Variants in KRT16 observed in about 807,000 individuals in gnomAD.
KRT16 encodes the protein keratin, type I cytoskeletal 16.
A neutral mutation model predicts 44.8 loss-of-function variants in KRT16; 42 were observed. That is an observed-to-expected ratio of 0.94 (90% CI 0.73 to 1.21). The LOEUF is 1.21. Among genes scored for constraint, KRT16 ranks in the 50% most tolerant of loss-of-function variants. The pLI is 0.00. For synonymous variants in KRT16, 226 were observed against 260.4 expected (o/e 0.87, Z 1.27); for missense variants, 561 against 626.9 (o/e 0.89, Z 1.12).
intron 5 of KRT16, 55 bp from the exon 6 acceptor site, chr17:41,610,606 A>G (rs879833975): frequency 1.9e-4 from 307 of 1,597,710 alleles, no homozygotes; most frequent in Non-Finnish European, 2.4e-4. Flanking sequence ...CTGTTCCTCC[A>G]GGTCTCTGGG....
chr17:41,610,648 C>G, intron 5 of KRT16, 97 bp from the exon 6 acceptor site: 1 of 1,520,118 alleles, frequency 6.6e-7, no homozygotes, highest in South Asian at 1.1e-5. Flanking sequence ...GGATTTTGAT[C>G]CCAGTTGGGG....
At position 41,611,904 on chromosome 17, in the gene KRT16, C is replaced by T. The variant is rs558992410; in HGVS notation, c.532-183G>A. The T allele has an allele frequency of 1.4e-5, 11 of 784,686 alleles. No individual in the cohort carries two copies. The African/African-American group carries it at 1.9e-4, about 13-fold the overall frequency. The allele number at this position is 784,686 out of a possible 1,614,324, so 48.6% of individuals were successfully genotyped here. A position where few individuals can be genotyped will look rare whatever the true frequency, so the allele number is the denominator to read the frequency against. ...TGCACTCCATCCCGATCACCCCCTT[C>T]CTGGGCCCAAGGCAGGGAAGCTGAA... is the stretch of plus-strand genomic sequence containing the variant. On this transcript the variant is annotated intron_variant, in intron 1 of 7. Coordinates refer to ENST00000301653, the MANE Select transcript of KRT16 (RefSeq NM_005557.4).
rs1254288318 is a variant in KRT16, at chr17:41,612,615, C to T, written c.74G>A (p.Gly25Glu). The stretch of plus-strand genomic sequence containing the variant: ...GGAGGAGATGCGGCTGGAGCCGCCC[C>T]CGATGCCGCCTCCGATGCCGCAGGA... ...KGSCGIGGGI[G>E]GGSSRISSVL... The change falls in exon 1 of 8, where the codon GGG becomes GAG. Residue 25 changes from glycine (G) to glutamate (E), a missense_variant. Coordinates refer to ENST00000301653, the MANE Select transcript of KRT16 (RefSeq NM_005557.4). 1.9e-6 allele frequency: 3 copies of T among 1,596,460 alleles called. No individual in the cohort carries two copies. Among genetic ancestry groups the T allele is most frequent in the Non-Finnish European group, 2.6e-6 (3 of 1,172,492 alleles).
At position 41,612,545 on chromosome 17, in the gene KRT16, G is replaced by A. The variant is rs879050220; in HGVS notation, c.144C>T (p.Gly48=). ...GSCRAPSTYG[G]GLSVSSRFSS... Reference sequence around the variant, plus strand: ...AGAAGCGAGAGGAGACAGACAGGCCGCCCCCGTAGGTGCTGGGGGCACGGC... The same window carrying A: ...AGAAGCGAGAGGAGACAGACAGGCCACCCCCGTAGGTGCTGGGGGCACGGC... The change falls in exon 1 of 8, where the codon GGC becomes GGT. Residue 48 remains glycine (G), a synonymous_variant. Coordinates refer to ENST00000301653, the MANE Select transcript of KRT16 (RefSeq NM_005557.4). The A allele has an allele frequency of 1.8e-5, 29 of 1,594,164 alleles. No individual in the cohort carries two copies. Among genetic ancestry groups the A allele is most frequent in the African/African-American group, 4.0e-5 (3 of 74,418 alleles).
At position 41,609,960 on chromosome 17, in the gene KRT16, C is replaced by A. The variant is rs748887430; in HGVS notation, c.1397G>T (p.Ser466Ile). 5 of 1,611,888 alleles carry A rather than the reference C, an allele frequency of 3.1e-6. No individual in the cohort carries two copies. Among genetic ancestry groups the A allele is most frequent in the South Asian group, 2.2e-5 (2 of 90,954 alleles). Residue 466 changes from serine to isoleucine, a missense_variant, in exon 8 of 8, where the codon AGC becomes ATC. Ser to Ile is a moderately radical substitution (Grantham distance 142). Transcript: ENST00000301653. Reference protein sequence around the residue: ...RPILKEQSSSSFSQGQSS With the variant: ...RPILKEQSSSIFSQGQSS ...CTAGGAGCTCTGGCCCTGGCTGAAG[C>A]TGGATGAGCTCTGCTCCTTGAGGAT...
chr17:41,610,961 C>G lies in KRT16; in HGVS notation c.952G>C (p.Glu318Gln), dbSNP rs1364903546. ...FLSKTEELNK[E>Q]VASNSELVQS... ...ACCAGTTCGCTGTTGGAGGCCACTT[C>G]TTTGTTCAGCTCCTCGGTCTGAGGC... Residue 318 changes from glutamate (E) to glutamine (Q), a missense_variant, in exon 5 of 8, where the codon GAA becomes CAA. Coordinates refer to ENST00000301653, the MANE Select transcript of KRT16 (RefSeq NM_005557.4). 18 of 1,614,066 alleles carry G rather than the reference C, an allele frequency of 1.1e-5. No homozygotes were observed. Among genetic ancestry groups the G allele is most frequent in the Non-Finnish European group, 1.5e-5 (18 of 1,180,026 alleles).
Position 41,612,513 on chromosome 17 carries a change from C to T in KRT16, c.176G>A (p.Gly59Glu), listed in dbSNP as rs1446312984. 6 of 1,603,354 alleles carry T rather than the reference C, an allele frequency of 3.7e-6. No individual in the cohort carries two copies. In the East Asian group the frequency reaches 1.1e-4, roughly 30 times the overall value. ...GCCGCCCCCCAGCCCGCAGGCTCCC[C>T]CAGAGGAGAAGCGAGAGGAGACAGA... ...GLSVSSRFSS[G>E]GACGLGGGYG... Residue 59 changes from glycine to glutamate, a missense_variant, in exon 1 of 8, where the codon GGG becomes GAG. By Grantham distance (98) the Gly-to-Glu change is moderately conservative (BLOSUM62 -2). Coordinates refer to ENST00000301653, the MANE Select transcript of KRT16 (RefSeq NM_005557.4).
At position 41,612,309 on chromosome 17, in the gene KRT16, C is replaced by T. The variant is rs57424749; in HGVS notation, c.380G>A (p.Arg127His). 7.4e-6 allele frequency: 12 copies of T among 1,614,040 alleles called. No individual in the cohort carries two copies. The highest frequency in any genetic ancestry group is 1.3e-5 in the African/African-American group (1 of 74,918). Residue 127 changes from arginine (R) to histidine (H), a missense_variant, in exon 1 of 8, where the codon CGC becomes CAC. Arg to His is a conservative substitution (Grantham distance 29). Transcript: ENST00000301653. ...CACCTTGTCCAGGTAGGAGGCCAGG[C>T]GGTCATTGAGGTTCTGCATGGTCAC... ...EKVTMQNLND[R>H]LASYLDKVRA...
chr17:41,611,936 G>A, intron 1 of KRT16: 1 of 788,890 alleles, frequency 1.3e-6, no homozygotes, highest in Non-Finnish European at 2.1e-6. Flanking sequence ...TGAACTTGCA[G>A]CTGAACCCTT....
At position 41,611,334 on chromosome 17, in the gene KRT16, A is replaced by C; in HGVS notation, c.771+11T>G. The stretch of plus-strand genomic sequence containing the variant: ...CCAGCCTCCCACCCCGGAAGCCAGC[A>C]GCGACCGTACCTCCTCGTGGTTCTT... On this transcript the variant is annotated intron_variant, in intron 3 of 7. Transcript: ENST00000301653. The C allele has an allele frequency of 1.2e-6, 2 of 1,614,064 alleles. No individual in the cohort carries two copies. Among genetic ancestry groups the C allele is most frequent in the Non-Finnish European group, 1.7e-6 (2 of 1,179,958 alleles).
In KRT16 at chr17:41,610,175, C is replaced by A; in HGVS notation, c.1327+15G>T. ...GCAGAGGGGCTGCAGTGCCGGGGAGCCTCAGAAGCCTTACCCTCGCGGGAA... is the reference window on the plus strand; with the variant it reads ...GCAGAGGGGCTGCAGTGCCGGGGAGACTCAGAAGCCTTACCCTCGCGGGAA... On this transcript the variant is annotated intron_variant, in intron 7 of 7. Transcript: ENST00000301653. 6.2e-7 allele frequency: 1 copy of A among 1,613,790 alleles called. No individual in the cohort carries two copies. Among genetic ancestry groups the A allele is most frequent in the Non-Finnish European group, 8.5e-7 (1 of 1,179,762 alleles).
chr17:41,610,920 A>C lies in KRT16; in HGVS notation c.993T>G (p.Ser331Arg). Residue 331 changes from serine to arginine, a missense_variant, in exon 5 of 8, where the codon AGT becomes AGG. Transcript: ENST00000301653. ...SNSELVQSSR[S>R]EVTELRRVLQ... Reference sequence around the variant, plus strand: ...GCACCCTCCGGAGCTCCGTCACCTCACTGCGGCTGCTCTGTACCAGTTCGC... The same window carrying C: ...GCACCCTCCGGAGCTCCGTCACCTCCCTGCGGCTGCTCTGTACCAGTTCGC... 6.2e-7 allele frequency: 1 copy of C among 1,614,078 alleles called. No homozygotes were observed. Among genetic ancestry groups the C allele is most frequent in the Non-Finnish European group, 8.5e-7 (1 of 1,180,012 alleles).
rs763348223 is a variant in KRT16, at chr17:41,611,058, C to T, written c.933+11G>A. 6.2e-7 allele frequency: 1 copy of T among 1,614,032 alleles called. No homozygotes were observed. The highest frequency in any genetic ancestry group is 1.7e-5 in the Admixed American group (1 of 60,026). On this transcript the variant is annotated intron_variant, in intron 4 of 7. Transcript: ENST00000301653. ...GAAGTGCTGCAGGCTCACTGCGGGC[C>T]CGAGCCCCACCTTGCTCAGGAACCA...
At position 41,612,533 on chromosome 17, in the gene KRT16, G is replaced by A. The variant is rs1284026155; in HGVS notation, c.156C>T (p.Val52=). The change falls in exon 1 of 8, where the codon GTC becomes GTT. Residue 52 remains valine (V), a synonymous_variant. Transcript: ENST00000301653. ...CTCCCCCAGAGGAGAAGCGAGAGGAGACAGACAGGCCGCCCCCGTAGGTGC... is the reference window on the plus strand; with the variant it reads ...CTCCCCCAGAGGAGAAGCGAGAGGAAACAGACAGGCCGCCCCCGTAGGTGC... The part of the protein sequence containing the change: ...APSTYGGGLS[V]SSRFSSGGAC... 2 of 1,597,516 alleles carry A rather than the reference G, an allele frequency of 1.3e-6. No homozygotes were observed. The highest frequency in any genetic ancestry group is 1.7e-5 in the Admixed American group (1 of 57,144).
At position 41,612,713 on chromosome 17, in the gene KRT16, G is replaced by A. The variant is rs1237826398; in HGVS notation, c.-25C>T. On this transcript the variant is annotated 5_prime_UTR_variant, in exon 1 of 8. Coordinates refer to ENST00000301653, the MANE Select transcript of KRT16 (RefSeq NM_005557.4). ...TGGTGCCAAGGAGGGAGGTGAGCGA[G>A]TGAGCAGTTGGCTGAAAGAAGGAAA... The A allele has an allele frequency of 1.3e-6, 2 of 1,567,498 alleles. No individual in the cohort carries two copies. The highest frequency in any genetic ancestry group is 8.6e-7 in the Non-Finnish European group (1 of 1,159,286).
In KRT16 at chr17:41,610,059, G is replaced by T. The variant is rs113428290; in HGVS notation, c.1328-30C>A. 400 of 1,584,164 alleles carry T rather than the reference G, an allele frequency of 2.5e-4. 2 individuals carry two copies. Among genetic ancestry groups the T allele is most frequent in the African/African-American group, 1.3e-3 (100 of 74,410 alleles). On this transcript the variant is annotated intron_variant, in intron 7 of 7. Transcript: ENST00000301653. Reference sequence around the variant, plus strand: ...GGGAGAGAGAAGAGGAGGTGAGAAGGGGTCTGAGAGCTAAGCTGACTCCAG... The same window carrying T: ...GGGAGAGAGAAGAGGAGGTGAGAAGTGGTCTGAGAGCTAAGCTGACTCCAG...
chr17:41,609,903 G>A lies in KRT16; in HGVS notation c.*32C>T, dbSNP rs753185091. ...CCTTCAGGAGGTGAGGCCAGCTGGT[G>A]GGCAGGAGGCTGTGGTAGAGGCAGC... On this transcript the variant is annotated 3_prime_UTR_variant, in exon 8 of 8. Transcript: ENST00000301653. 9 of 1,597,480 alleles carry A rather than the reference G, an allele frequency of 5.6e-6. No individual in the cohort carries two copies. The highest frequency in any genetic ancestry group is 1.7e-5 in the Admixed American group (1 of 59,778).
At position 41,610,562 on chromosome 17, in the gene KRT16, G is replaced by C; in HGVS notation, c.1060-11C>G. 1 of 1,611,936 alleles carries C rather than the reference G, an allele frequency of 6.2e-7. No homozygotes were observed. ...CTCCAGGGATGCTTTCTGCAAGTGA[G>C]AGAGAGAAAAAGAGTCCATGGAGGT... On this transcript the variant is annotated splice_polypyrimidine_tract_variant and intron_variant, in intron 5 of 7. Transcript: ENST00000301653.
At chr17:41,612,077 G>A in intron 1 of KRT16, 81 bp downstream of exon 1, 2 of 1,538,368 alleles carry the variant, frequency 1.3e-6, no homozygotes, top group Non-Finnish European at 1.8e-6. Context: ...TGTTTGTAAA[G>A]TGTAATTGCT....
Sources: allele counts gnomAD v4.1 joint callset, GRCh38; gene constraint gnomAD v4.1.1; transcripts MANE v1.5; gene names NCBI Gene and HGNC (gene_info 2026-07-23, HGNC 2026-07-21).